The following CAMK1D variants were observed in gnomAD, a reference collection of about 807,000 sequenced individuals.
The protein encoded by CAMK1D is calcium/calmodulin dependent protein kinase ID, also known as calcium/calmodulin-dependent protein kinase type 1D.
In CAMK1D, 9 loss-of-function variants were observed where a neutral mutation model predicts 47.7. That is an observed-to-expected ratio of 0.19 (90% CI 0.11 to 0.33). The LOEUF is 0.33. CAMK1D is among the 10% of genes least tolerant of loss of function. The pLI is 1.00. For synonymous variants in CAMK1D, 184 were observed against 184.9 expected (o/e 0.99, Z 0.04); for missense variants, 291 against 488.7 (o/e 0.60, Z 3.81).
At chr10:12,567,479 T>C (rs1161567904) in intron 2 of CAMK1D, among the ~76,000 whole-genome samples, 1 of 152,192 alleles carries the variant, frequency 6.6e-6, no homozygotes, top group East Asian at 1.9e-4. Context: ...GTTTGGGGGA[T>C]AAGCCAGGCT....
intron 1 of CAMK1D, among the ~76,000 whole-genome samples, chr10:12,354,536 C>T (rs1438527776): frequency 6.6e-6 from 1 of 151,304 alleles, no homozygotes; most frequent in Non-Finnish European, 1.5e-5. Flanking sequence ...AGCGATTCCC[C>T]TGCCTCAGCC....
intron 5 of CAMK1D, among the ~76,000 whole-genome samples, chr10:12,787,033 G>A (rs1474943743): frequency 6.6e-6 from 1 of 152,202 alleles, no homozygotes; most frequent in Non-Finnish European, 1.5e-5. Flanking sequence ...TGAGGTGGGA[G>A]AATTGCTGGA....
At chr10:12,447,119 T>C (rs1832946898) in intron 1 of CAMK1D, among the ~76,000 whole-genome samples, 1 of 152,218 alleles carries the variant, frequency 6.6e-6, no homozygotes, top group African/African-American at 2.4e-5. Flanking sequence ...CTTTTTTTAC[T>C]GAGTATATTC....
intron 2 of CAMK1D, among the ~76,000 whole-genome samples, chr10:12,559,579 C>T (rs1019997761): frequency 6.6e-6 from 1 of 152,134 alleles, no homozygotes; most frequent in Non-Finnish European, 1.5e-5. Context: ...GGCAATGTTT[C>T]CTTCAGGAGA....
chr10:12,528,736 C>CTTTTTTTTTTTTTTTTTTTTTTT (rs34250007), intron 1 of CAMK1D, among the ~76,000 whole-genome samples: 1 of 137,910 alleles, frequency 7.3e-6, no homozygotes, highest in Non-Finnish European at 1.5e-5. Context: ...AAATCCTCAT[C>CTTTTTTTTTTTTTTTTTTTTTTT]TTTTTTTTTT....
At chr10:12,471,128 T>G (rs1341572405) in intron 1 of CAMK1D, among the ~76,000 whole-genome samples, 1 of 152,214 alleles carries the variant, frequency 6.6e-6, no homozygotes. Context: ...TGTATCGATC[T>G]GAAGCTTGAG....
At chr10:12,619,814 T>C (rs1341203963) in intron 2 of CAMK1D, among the ~76,000 whole-genome samples, 5 of 152,080 alleles carry the variant, frequency 3.3e-5, no homozygotes, top group Non-Finnish European at 5.9e-5. Flanking sequence ...TTCCTCATGG[T>C]GCTCTTTTGT....
intron 1 of CAMK1D, among the ~76,000 whole-genome samples, chr10:12,375,694 T>C (rs1206626441): frequency 6.6e-6 from 1 of 152,240 alleles, no homozygotes; most frequent in Non-Finnish European, 1.5e-5. Flanking sequence ...TCCTGCTGAA[T>C]GCCATTACTC....
In CAMK1D at chr10:12,762,801, G is replaced by A. The variant is rs372885250; in HGVS notation, c.438+1715G>A. Among the ~76,000 whole-genome samples the A allele has an allele frequency of 4.0e-4, 61 of 152,248 alleles. 1 individual carries two copies. The highest frequency in any genetic ancestry group is 1.3e-3 in the African/African-American group (54 of 41,534). ...GAGATACTTCAGAGGGCTAGGTAGGGGCTAGCTCAGCCGACCTGGCACCTC... is the reference window on the plus strand; with the variant it reads ...GAGATACTTCAGAGGGCTAGGTAGGAGCTAGCTCAGCCGACCTGGCACCTC... On this transcript the variant is annotated intron_variant, in intron 4 of 10. Transcript: ENST00000619168.
intron 3 of CAMK1D, among the ~76,000 whole-genome samples, chr10:12,704,276 A>G (rs1017781781): frequency 9.9e-5 from 15 of 152,228 alleles, no homozygotes; most frequent in Non-Finnish European, 1.5e-5. Flanking sequence ...TCAGCATTTC[A>G]TATAAATGTA....
chr10:12,808,170 C>G (rs1008193091), intron 6 of CAMK1D, among the ~76,000 whole-genome samples: 1 of 152,234 alleles, frequency 6.6e-6, no homozygotes, highest in Non-Finnish European at 1.5e-5. Context: ...AGGGCATAGG[C>G]ATCCACTTCC....
chr10:12,355,468 GTGTGTGTGCGCGCGCGTGCGTGTGTA>G (rs1837481570), intron 1 of CAMK1D, among the ~76,000 whole-genome samples: 1 of 151,954 alleles, frequency 6.6e-6, no homozygotes, highest in African/African-American at 2.4e-5. Context: ...GTGCGTGTGT[GTGTGTGTGCGCGCGCGTGCGTGTGTA>G]TGTGTGTGTG....
At chr10:12,584,642 A>G in intron 2 of CAMK1D, among the ~76,000 whole-genome samples, 1 of 152,054 alleles carries the variant, frequency 6.6e-6, no homozygotes, top group Admixed American at 6.5e-5. Flanking sequence ...CAACATGGCA[A>G]AACCACAGCT....
chr10:12,521,136 C>G (rs1004039294), intron 1 of CAMK1D, among the ~76,000 whole-genome samples: 5 of 151,836 alleles, frequency 3.3e-5, no homozygotes, highest in African/African-American at 9.7e-5. Flanking sequence ...TGTTCTTATC[C>G]TTATATGTTC....
chr10:12,641,573 C>G (rs1564462668), intron 2 of CAMK1D, among the ~76,000 whole-genome samples: 1 of 151,426 alleles, frequency 6.6e-6, no homozygotes, highest in African/African-American at 2.4e-5. Flanking sequence ...GAGCCATGGT[C>G]TCACCACTGC....
At chr10:12,507,606 G>A (rs1564379461) in intron 1 of CAMK1D, among the ~76,000 whole-genome samples, 1 of 152,044 alleles carries the variant, frequency 6.6e-6, no homozygotes, top group African/African-American at 2.4e-5. Context: ...TTTTGGCTGA[G>A]GGCCGCCCGG....
intron 1 of CAMK1D, among the ~76,000 whole-genome samples, chr10:12,390,891 C>T (rs1288139163): frequency 6.6e-6 from 1 of 151,932 alleles, no homozygotes; most frequent in Admixed American, 6.6e-5. Flanking sequence ...CAGGCTCAAG[C>T]GTGCGTGAAT....
intron 3 of CAMK1D, among the ~76,000 whole-genome samples, chr10:12,701,186 C>T (rs566322177): frequency 2.6e-5 from 4 of 151,114 alleles, no homozygotes; most frequent in African/African-American, 9.7e-5. Context: ...GATCTCAGCT[C>T]ACTGCAACCT....
At chr10:12,708,644 C>T (rs530822545) in intron 3 of CAMK1D, among the ~76,000 whole-genome samples, 1 of 152,174 alleles carries the variant, frequency 6.6e-6, no homozygotes, top group Non-Finnish European at 1.5e-5. Context: ...TTTAAAAGTG[C>T]CAGTTTCCTT....
Sources: gnomAD v4.1 joint callset for allele counts (sites outside exome capture counted in the v4.1 genomes callset) on GRCh38, gnomAD v4.1.1 for gene constraint, MANE v1.5 for transcripts, NCBI Gene and HGNC (gene_info 2026-07-23, HGNC 2026-07-21) for gene names.